EML6: variants seen among roughly 807,000 people sequenced by gnomAD.
EML6 encodes the protein EMAP like 6.
Under a neutral mutation model 240.1 loss-of-function variants are expected in EML6, and 154 were observed. The ratio of observed to expected loss-of-function variants is 0.64; its 90% confidence interval spans 0.56 to 0.73. The LOEUF (loss-of-function observed/expected upper bound fraction) is 0.73, where lower values mean the gene tolerates loss of function less well. EML6 is among the 30% of genes least tolerant of loss of function. The pLI is 0.00. For missense variants in EML6, 2,964 were observed against 2,474.6 expected (o/e 1.20, Z -4.20); for synonymous variants, 1,148 against 899.0 (o/e 1.28, Z -4.95).
At chr2:54,890,933 C>A in intron 17 of EML6, 121 bp from the exon 18 acceptor site, 1 of 472,104 alleles carries the variant, frequency 2.1e-6, no homozygotes. Context: ...GGATTTTAAA[C>A]CATTTTCTAA....
At chr2:54,945,837 TTC>T (rs1411218693) in intron 28 of EML6, among the ~76,000 whole-genome samples, 4 of 152,186 alleles carry the variant, frequency 2.6e-5, no homozygotes, top group Non-Finnish European at 5.9e-5. Flanking sequence ...AGTCTAAGCT[TTC>T]TCTTCAGCAG....
chr2:54,787,381 T>C lies in EML6; in HGVS notation c.198-25851T>C, dbSNP rs187025504. On this transcript the variant is annotated intron_variant, in intron 2 of 41. Transcript: ENST00000356458. Reference sequence around the variant, plus strand: ...ATTTTAAAAGTAAACCAGAGGAAGATTGAGTTATGAAAAGATTGAATTGTA... The same window carrying C: ...ATTTTAAAAGTAAACCAGAGGAAGACTGAGTTATGAAAAGATTGAATTGTA... Among the ~76,000 whole-genome samples, 239 of 152,198 alleles carry C rather than the reference T, an allele frequency of 1.6e-3. 3 individuals carry two copies. Among genetic ancestry groups the C allele is most frequent in the Middle Eastern group, 3.4e-3 (1 of 294 alleles).
intron 19 of EML6, among the ~76,000 whole-genome samples, chr2:54,893,343 G>C (rs902856329): frequency 1.3e-5 from 2 of 152,164 alleles, no homozygotes; most frequent in Admixed American, 1.3e-4. Context: ...CCAAGAGTAA[G>C]GGGCTGCAAC....
intron 17 of EML6, chr2:54,881,925 A>G (rs1020769877): frequency 6.6e-6 from 1 of 152,240 alleles, no homozygotes. Context: ...TCGCCCAGGA[A>G]GTGAGATTTC....
chr2:54,841,733 C>T (rs780876528), intron 7 of EML6, among the ~76,000 whole-genome samples: 8 of 151,924 alleles, frequency 5.3e-5, no homozygotes, highest in Non-Finnish European at 1.2e-4. Context: ...GCTGGGAATA[C>T]AGGTGCGTGC....
chr2:54,782,569 T>C (rs887193768), intron 2 of EML6, among the ~76,000 whole-genome samples: 1 of 152,226 alleles, frequency 6.6e-6, no homozygotes, highest in Non-Finnish European at 1.5e-5. Context: ...TCTGTTACTT[T>C]GTTCTTGTAT....
At chr2:54,930,336 C>G (rs1334284795) in intron 28 of EML6, among the ~76,000 whole-genome samples, 1 of 152,178 alleles carries the variant, frequency 6.6e-6, no homozygotes, top group Non-Finnish European at 1.5e-5. Context: ...CTCATTGCCT[C>G]TTTGGGCAAA....
At chr2:54,931,646 G>T (rs1268807719) in intron 28 of EML6, among the ~76,000 whole-genome samples, 1 of 152,174 alleles carries the variant, frequency 6.6e-6, no homozygotes. Flanking sequence ...TATACCTGCA[G>T]ATAATTCTGT....
chr2:54,883,386 A>G (rs559869610), intron 17 of EML6, among the ~76,000 whole-genome samples: 4 of 152,146 alleles, frequency 2.6e-5, no homozygotes, highest in Admixed American at 1.3e-4. Flanking sequence ...TGGAGTTAGT[A>G]TATGTATCAA....
At chr2:54,960,405 C>G (rs1676444039) in intron 35 of EML6, 71 bp downstream of exon 35, 1 of 1,139,090 alleles carries the variant, frequency 8.8e-7, no homozygotes, top group Admixed American at 2.0e-5. Flanking sequence ...CCAGCCGGCA[C>G]TTTCTCTGGG....
At chr2:54,903,233 G>C in intron 23 of EML6, 37 bp downstream of exon 23, 1 of 1,536,804 alleles carries the variant, frequency 6.5e-7, no homozygotes, top group Non-Finnish European at 8.8e-7. Flanking sequence ...AAATAGCACA[G>C]TCTTGGGACA....
At chr2:54,958,486 C>T (rs1676339246) in intron 33 of EML6, among the ~76,000 whole-genome samples, 1 of 151,420 alleles carries the variant, frequency 6.6e-6, no homozygotes, top group Non-Finnish European at 1.5e-5. Flanking sequence ...GCCACCTCGC[C>T]TGGCCAATAT....
At chr2:54,905,954 T>A (rs975928833) in intron 24 of EML6, among the ~76,000 whole-genome samples, 1 of 152,250 alleles carries the variant, frequency 6.6e-6, no homozygotes, top group African/African-American at 2.4e-5. Flanking sequence ...GGCTGCCACA[T>A]TTCAGCCACT....
rs1028495506 is a variant in EML6 at position 54,868,568 on chromosome 2, C to T, written c.2052-613C>T. ...CAATTCTTCAGACTCCTGTGATAGG[C>T]CAAAAAAGTCATATTTGATTTTGAT... On this transcript the variant is annotated intron_variant, in intron 14 of 41. Coordinates refer to ENST00000356458, the MANE Select transcript of EML6 (RefSeq NM_001039753.4). The T allele has an allele frequency of 2.4e-4, 36 of 152,208 alleles. 1 individual carries two copies. The highest frequency in any genetic ancestry group is 8.7e-4 in the African/African-American group (36 of 41,532). The allele number at this position is 152,208 out of a possible 1,614,324, so 9.4% of individuals were successfully genotyped here. A position where few individuals can be genotyped will look rare whatever the true frequency, so the allele number is the denominator to read the frequency against.
At chr2:54,933,455 C>T (rs948886505) in intron 28 of EML6, among the ~76,000 whole-genome samples, 5 of 152,132 alleles carry the variant, frequency 3.3e-5, no homozygotes, top group African/African-American at 1.2e-4. Flanking sequence ...TATATATAGG[C>T]CAGGCACGGT....
chr2:54,948,337 C>CT (rs558323239), intron 28 of EML6, among the ~76,000 whole-genome samples: 241 of 152,224 alleles, frequency 1.6e-3, no homozygotes, highest in African/African-American at 5.5e-3. Flanking sequence ...TGTCCCTCTG[C>CT]TTCCTGCCTG....
At chr2:54,940,185 C>A (rs577507025) in intron 28 of EML6, among the ~76,000 whole-genome samples, 1 of 152,146 alleles carries the variant, frequency 6.6e-6, no homozygotes, top group Non-Finnish European at 1.5e-5. Context: ...TTAGCATTTT[C>A]CAGAATTTTT....
chr2:54,853,407 G>C (rs900982996), intron 10 of EML6, among the ~76,000 whole-genome samples: 2 of 151,670 alleles, frequency 1.3e-5, no homozygotes, highest in Non-Finnish European at 2.9e-5. Flanking sequence ...ATCAAGTCAG[G>C]ATATTTAGGG....
intron 30 of EML6, among the ~76,000 whole-genome samples, chr2:54,951,392 G>T (rs983901526): frequency 1.3e-5 from 2 of 152,032 alleles, no homozygotes; most frequent in African/African-American, 4.8e-5. Context: ...AATTAGCCAG[G>T]CATGGTGGCA....
Sources: allele counts gnomAD v4.1 joint callset (sites outside exome capture counted in the v4.1 genomes callset), GRCh38; gene constraint gnomAD v4.1.1; transcripts MANE v1.5; gene names NCBI Gene and HGNC (gene_info 2026-07-23, HGNC 2026-07-21).